SPATA31C2: variants seen among roughly 807,000 people sequenced by gnomAD.
SPATA31C2 encodes the protein SPATA31 subfamily C member 2.
In SPATA31C2, 5 loss-of-function variants were observed where a neutral mutation model predicts 11.4. That is an observed-to-expected ratio of 0.44 (90% confidence interval 0.23 to 0.92). SPATA31C2 has a LOEUF of 0.92. Among genes scored for constraint, SPATA31C2 ranks in the 40% least tolerant of loss-of-function variants. The pLI, the probability that SPATA31C2 is intolerant of heterozygous loss-of-function variation, is 0.24. For synonymous variants in SPATA31C2, 515 were observed against 538.7 expected (o/e 0.96, Z 0.61); for missense variants, 1,353 against 1,368.6 (o/e 0.99, Z 0.18).
rs535166497 is a variant in SPATA31C2, at chr9:88,130,285, G to C, written c.2752C>G (p.Leu918Val). The change falls in exon 4 of 4, where the codon CTA (leucine) becomes GTA (valine). Residue 918 changes from leucine to valine, a missense_variant. This residue lies in a region of SPATA31C2 where 1,075 missense variants were observed against 992.8 expected (regional missense o/e 1.08). Coordinates refer to ENST00000324915, the MANE Select transcript of SPATA31C2 (RefSeq NM_001350978.3). The stretch of plus-strand genomic sequence containing the variant: ...CTTCTGGCTGACATGAGGTCACATA[G>C]CTCCTGGGAAGCCTGCATGTTCCCA... ...PTGNMQASQE[L>V]CDLMSARRSN... The C allele has an allele frequency of 5.6e-6, 9 of 1,609,326 alleles. No individual in the cohort carries two copies. Among genetic ancestry groups the C allele is most frequent in the African/African-American group, 1.3e-5 (1 of 74,718 alleles).
rs769026764 is a variant in SPATA31C2 at position 88,130,835 on chromosome 9, G to T, written c.2202C>A (p.Ser734=). The part of the protein sequence containing the change: ...SVHMPERLQA[S]SPACKQFQRA... Reference sequence around the variant, plus strand: ...TCTGGAACTGCTTACATGCAGGTGAGGAGGCCTGAAGCCTCTCTGGCATGT... The same window carrying T: ...TCTGGAACTGCTTACATGCAGGTGATGAGGCCTGAAGCCTCTCTGGCATGT... The change falls in exon 4 of 4, where the codon TCC becomes TCA. Residue 734 remains serine (S), a synonymous_variant. Coordinates refer to ENST00000324915, the MANE Select transcript of SPATA31C2 (RefSeq NM_001350978.3). 7 of 1,613,358 alleles carry T rather than the reference G, an allele frequency of 4.3e-6. No homozygotes were observed. The South Asian group carries it at 7.7e-5, about 18-fold the overall frequency.
chr9:88,137,306 A>G (rs1324783264), intron 1 of SPATA31C2, among the ~76,000 whole-genome samples: 2 of 146,434 alleles, frequency 1.4e-5, no homozygotes, highest in Admixed American at 7.5e-5. Context: ...AATAACCTCA[A>G]TCTAACCTCA....
chr9:88,131,932 G>C lies in SPATA31C2; in HGVS notation c.1105C>G (p.Leu369Val), dbSNP rs778583590. 1.8e-5 allele frequency: 29 copies of C among 1,610,668 alleles called. 1 individual carries two copies. In the South Asian group the frequency reaches 3.2e-4, roughly 18 times the overall value. Residue 369 changes from leucine to valine, a missense_variant, in exon 4 of 4, where the codon CTA becomes GTA. Leu to Val is a conservative substitution (Grantham distance 32, BLOSUM62 1). Coordinates refer to ENST00000324915, the MANE Select transcript of SPATA31C2 (RefSeq NM_001350978.3). ...ACTCCAGTGTTCTTCATCGGGGATAGAAAAGCAGGAGATAGGACTGGGAAA... is the reference window on the plus strand; with the variant it reads ...ACTCCAGTGTTCTTCATCGGGGATACAAAAGCAGGAGATAGGACTGGGAAA... ...SSFPVLSPAFLSPMKNTGVAC... is the reference protein window; with the variant it reads ...SSFPVLSPAFVSPMKNTGVAC...
Position 88,130,878 on chromosome 9 carries a change from A to T in SPATA31C2, c.2159T>A (p.Leu720Gln), listed in dbSNP as rs1337659067. The T allele has an allele frequency of 1.9e-6, 3 of 1,613,794 alleles. No homozygotes were observed. Among genetic ancestry groups the T allele is most frequent in the South Asian group, 2.2e-5 (2 of 91,064 alleles). Residue 720 changes from leucine (L) to glutamine (Q), a missense_variant, in exon 4 of 4, where the codon CTG (leucine) becomes CAG (glutamine). By Grantham distance (113) the Leu-to-Gln change is moderately radical. Around this residue, in one of 6 missense-constraint regions of SPATA31C2, gnomAD observed 1,075 missense variants for 992.8 expected, o/e 1.08. Transcript: ENST00000324915. ...TGGCATGTGAACAGATGGTTTGGTC[A>T]GCACCTGCTTTCTCAGACTTGCCAT... is the stretch of plus-strand genomic sequence containing the variant. ...PPMASLRKQVLTKPSVHMPER... is the reference protein window; with the variant it reads ...PPMASLRKQVQTKPSVHMPER...
chr9:88,134,364 A>G (rs1343044148), intron 1 of SPATA31C2, among the ~76,000 whole-genome samples: 2 of 144,450 alleles, frequency 1.4e-5, no homozygotes, highest in African/African-American at 4.9e-5. Flanking sequence ...CAGGCCCCAT[A>G]TCACCCCACA....
At position 88,137,873 on chromosome 9, in the gene SPATA31C2, C is replaced by T. The variant is rs1175416031; in HGVS notation, c.189+385G>A. On this transcript the variant is annotated intron_variant, in intron 1 of 3. Transcript: ENST00000324915. ...GAGGCTGGGTCCCGAGCCACCTGCCCCAGGAAGGGACTGATGAGCCAGGGC... is the reference window on the plus strand; with the variant it reads ...GAGGCTGGGTCCCGAGCCACCTGCCTCAGGAAGGGACTGATGAGCCAGGGC... Among the ~76,000 whole-genome samples the T allele has an allele frequency of 2.0e-5, 2 of 100,332 alleles. 1 individual carries two copies. The highest frequency in any genetic ancestry group is 1.4e-4 in the African/African-American group (2 of 14,722). The allele number at this position is 100,332 out of a possible 152,430, so 65.8% of individuals were successfully genotyped here.
Position 88,132,408 on chromosome 9 carries a change from A to T in SPATA31C2, c.629T>A (p.Phe210Tyr). 6.2e-7 allele frequency: 1 copy of T among 1,611,140 alleles called. No individual in the cohort carries two copies. Among genetic ancestry groups the T allele is most frequent in the Non-Finnish European group, 8.5e-7 (1 of 1,178,092 alleles). Residue 210 changes from phenylalanine (F) to tyrosine (Y), a missense_variant, in exon 4 of 4, where the codon TTC becomes TAC. This residue lies in a region of SPATA31C2 where 1,075 missense variants were observed against 992.8 expected (regional missense o/e 1.08). Coordinates refer to ENST00000324915, the MANE Select transcript of SPATA31C2 (RefSeq NM_001350978.3). ...EHPSPEPPAL[F>Y]PHPPRTPDPL... The stretch of plus-strand genomic sequence containing the variant: ...ATCAGGAGTGCGTGGTGGGTGAGGG[A>T]AAAGTGCAGGTGGCTCGGGTGAGGG...
At chr9:88,133,700 A>G in intron 1 of SPATA31C2, 31 bp from the exon 2 acceptor site, 1 of 1,602,272 alleles carries the variant, frequency 6.2e-7, no homozygotes, top group African/African-American at 1.3e-5. Context: ...AGGAGCTAGG[A>G]CCGGCTCTCC....
At position 88,131,134 on chromosome 9, in the gene SPATA31C2, G is replaced by A. The variant is rs1482578610; in HGVS notation, c.1903C>T (p.Leu635Phe). The change falls in exon 4 of 4, where the codon CTT becomes TTT. Residue 635 changes from leucine to phenylalanine, a missense_variant. Transcript: ENST00000324915. ...TGAGTACACGGCTCAAGGAAGGAAA[G>A]CACCTGGGCTGTGTTCACACAGGCT... Reference protein sequence around the residue: ...RKACVNTAQVLSFLEPCTQQV... With the variant: ...RKACVNTAQVFSFLEPCTQQV... 1.2e-6 allele frequency: 2 copies of A among 1,611,930 alleles called. No homozygotes were observed. Among genetic ancestry groups the A allele is most frequent in the African/African-American group, 2.7e-5 (2 of 74,870 alleles).
In SPATA31C2 at chr9:88,132,115, G is replaced by C. The variant is rs1267499289; in HGVS notation, c.922C>G (p.Leu308Val). 3.7e-6 allele frequency: 6 copies of C among 1,610,568 alleles called. No homozygotes were observed. Among genetic ancestry groups the C allele is most frequent in the Non-Finnish European group, 4.2e-6 (5 of 1,177,584 alleles). Residue 308 changes from leucine (L) to valine (V), a missense_variant, in exon 4 of 4, where the codon CTT becomes GTT. Around this residue, in one of 6 missense-constraint regions of SPATA31C2, gnomAD observed 1,075 missense variants for 992.8 expected, o/e 1.08. Transcript: ENST00000324915. ...ATTGTAGTGTCCCTTTGGCGGGAAA[G>C]ATGATCTTGCTGGACTGACGAGTTG... ...VFNSSVQQDHLSRQRDTTMSP... is the reference protein window; with the variant it reads ...VFNSSVQQDHVSRQRDTTMSP...
chr9:88,134,458 C>T (rs576479200), intron 1 of SPATA31C2, among the ~76,000 whole-genome samples: 2 of 141,212 alleles, frequency 1.4e-5, no homozygotes, highest in African/African-American at 2.7e-5. Flanking sequence ...ACAGAGACCT[C>T]CCCCGTCTCA....
Position 88,129,663 on chromosome 9 carries a change from G to A in SPATA31C2, c.3374C>T (p.Pro1125Leu). The change falls in exon 4 of 4, where the codon CCC becomes CTC. Residue 1125 changes from proline to leucine, a missense_variant. By Grantham distance (98) the Pro-to-Leu change is moderately conservative (BLOSUM62 -3). Around this residue, in one of 6 missense-constraint regions of SPATA31C2, gnomAD observed 187 missense variants for 205.8 expected, o/e 0.91. Coordinates refer to ENST00000324915, the MANE Select transcript of SPATA31C2 (RefSeq NM_001350978.3). ...ATCTCTGATTTGTCTGTCTCTGTTG[G>A]GACGACTCTGGTTCTTGAGAGTGGC... ...QQATLKNQSR[P>L]NRDRQIRDQ 1 of 1,603,508 alleles carries A rather than the reference G, an allele frequency of 6.2e-7. No homozygotes were observed. The highest frequency in any genetic ancestry group is 1.3e-5 in the African/African-American group (1 of 74,752).
chr9:88,132,007 A>T lies in SPATA31C2; in HGVS notation c.1030T>A (p.Trp344Arg), dbSNP rs201943385. 1 of 1,610,552 alleles carries T rather than the reference A, an allele frequency of 6.2e-7. No individual in the cohort carries two copies. Among genetic ancestry groups the T allele is most frequent in the South Asian group, 1.1e-5 (1 of 91,010 alleles). Residue 344 changes from tryptophan (W) to arginine (R), a missense_variant, in exon 4 of 4, where the codon TGG becomes AGG. Physicochemically the swap from Trp to Arg is moderately radical, Grantham distance 101 (BLOSUM62 -3). Around this residue, in one of 6 missense-constraint regions of SPATA31C2, gnomAD observed 1,075 missense variants for 992.8 expected, o/e 1.08. Coordinates refer to ENST00000324915, the MANE Select transcript of SPATA31C2 (RefSeq NM_001350978.3). ...QPFISSTPQF[W>R]PTPMAQAEAQ... ...TCGGCCTGAGCCATAGGTGTGGGCC[A>T]GAATTGGGGTGTGGATGAAATAAAG... is the stretch of plus-strand genomic sequence containing the variant.
intron 1 of SPATA31C2, among the ~76,000 whole-genome samples, chr9:88,135,942 C>CTT (rs201132867): frequency 1.1e-4 from 15 of 133,604 alleles, no homozygotes; most frequent in East Asian, 8.9e-4. Context: ...TGCAGTTTTC[C>CTT]TTTCTTTTTG....
rs1448939015 is a variant in SPATA31C2, at chr9:88,131,696, A to G, written c.1341T>C (p.Pro447=). 41 of 1,611,874 alleles carry G rather than the reference A, an allele frequency of 2.5e-5. No individual in the cohort carries two copies. The East Asian group carries it at 8.9e-4, about 35-fold the overall frequency. The change falls in exon 4 of 4, where the codon CCT becomes CCC. Residue 447 remains proline (P), a synonymous_variant. Transcript: ENST00000324915. ...GTTGCTCCAGTTGTCTCCAGAGTTC[A>G]GGACTGACTGGAAAGTTCTCAGGCA... is the stretch of plus-strand genomic sequence containing the variant. ...SILPENFPVS[P]ELWRQLEQHM...
rs532269947 is a variant in SPATA31C2 at position 88,132,613 on chromosome 9, G to A, written c.424C>T (p.Arg142Trp). 3.3e-5 allele frequency: 53 copies of A among 1,609,820 alleles called. No individual in the cohort carries two copies. The African/African-American group carries it at 4.8e-4, about 15-fold the overall frequency. Residue 142 changes from arginine to tryptophan, a missense_variant, in exon 4 of 4, where the codon CGG becomes TGG. This residue lies in a region of SPATA31C2 where 1,075 missense variants were observed against 992.8 expected (regional missense o/e 1.08). Coordinates refer to ENST00000324915, the MANE Select transcript of SPATA31C2 (RefSeq NM_001350978.3). ...TCTTCCGTAGGCTCATGAGAGGACC[G>A]GGAGGCTCCATCAGGTGTTCTTTTG... ...VGKRTPDGAS[R>W]SSHEPTEDAA...
At position 88,130,090 on chromosome 9, in the gene SPATA31C2, T is replaced by C. The variant is rs1825560574; in HGVS notation, c.2947A>G (p.Arg983Gly). Residue 983 changes from arginine (R) to glycine (G), a missense_variant, in exon 4 of 4, where the codon AGG (arginine) becomes GGG (glycine). This residue lies in a region of SPATA31C2 where 187 missense variants were observed against 205.8 expected (regional missense o/e 0.91). Transcript: ENST00000324915. The part of the protein sequence containing the change: ...GLRTPQLTPG[R>G]KTEDTRQNEG... ...TTCTGACGGGTGTCTTCTGTTTTCCTGCCTGGGGTAAGTTGAGGAGTCCTC... is the reference window on the plus strand; with the variant it reads ...TTCTGACGGGTGTCTTCTGTTTTCCCGCCTGGGGTAAGTTGAGGAGTCCTC... The C allele has an allele frequency of 6.2e-7, 1 of 1,606,924 alleles. No individual in the cohort carries two copies. The highest frequency in any genetic ancestry group is 8.5e-7 in the Non-Finnish European group (1 of 1,177,310).
At chr9:88,134,324 C>T (rs1279812107) in intron 1 of SPATA31C2, among the ~76,000 whole-genome samples, 3 of 129,734 alleles carry the variant, frequency 2.3e-5, no homozygotes, top group Admixed American at 8.4e-5. Flanking sequence ...AGATGCCAGG[C>T]CCCGGTGGGA....
At position 88,129,941 on chromosome 9, in the gene SPATA31C2, A is replaced by G. The variant is rs776203445; in HGVS notation, c.3096T>C (p.Thr1032=). ...TTTTTACTGTTTTTTGGCTCTCAGCAGTGACTGGTGCTGGCTTCCTTTCTT... is the reference window on the plus strand; with the variant it reads ...TTTTTACTGTTTTTTGGCTCTCAGCGGTGACTGGTGCTGGCTTCCTTTCTT... The part of the protein sequence containing the change: ...SKKERKPAPV[T]AESQKTVKNR... Residue 1032 remains threonine (T), a synonymous_variant, in exon 4 of 4, where the codon ACT becomes ACC. Transcript: ENST00000324915. The G allele has an allele frequency of 5.6e-6, 9 of 1,607,904 alleles. No homozygotes were observed. The highest frequency in any genetic ancestry group is 7.7e-6 in the Non-Finnish European group (9 of 1,175,984).
Sources: allele counts gnomAD v4.1 joint callset (sites outside exome capture counted in the v4.1 genomes callset), GRCh38; gene constraint gnomAD v4.1.1; regional missense constraint gnomAD v4.1.1; transcripts MANE v1.5; gene names NCBI Gene and HGNC (gene_info 2026-07-23, HGNC 2026-07-21).